Variants in KCTD16 observed in about 807,000 individuals in gnomAD.
KCTD16 encodes potassium channel tetramerization domain containing 16.
Under a neutral mutation model 33.2 loss-of-function variants are expected in KCTD16, and 13 were observed. That is an observed-to-expected ratio of 0.39 (90% confidence interval 0.25 to 0.62). The LOEUF is 0.62. Ranked by LOEUF, KCTD16 falls within the 20% of genes least tolerant of loss-of-function variation. KCTD16 has a pLI of 0.50. For synonymous variants in KCTD16, 197 were observed against 195.3 expected, an observed-to-expected ratio of 1.01 and a Z score of -0.07; for missense variants, 441 against 525.1, an observed-to-expected ratio of 0.84 and a Z score of 1.57.
At position 144,207,370 on chromosome 5, in the gene KCTD16, C is replaced by T. The variant is rs1295983050; in HGVS notation, c.656C>T (p.Pro219Leu). 6 of 1,614,082 alleles carry T rather than the reference C, an allele frequency of 3.7e-6. No individual in the cohort carries two copies. The highest frequency in any genetic ancestry group is 5.1e-6 in the Non-Finnish European group (6 of 1,180,034). The stretch of plus-strand genomic sequence containing the variant: ...GAAAGCAGAGACCCTGATCGAGCCC[C>T]AGAAAGATACACCTCCAGATTTTAT... Reference protein sequence around the residue: ...LNESRDPDRAPERYTSRFYLK... With the variant: ...LNESRDPDRALERYTSRFYLK... Residue 219 changes from proline (P) to leucine (L), a missense_variant, in exon 3 of 4, where the codon CCA (proline) becomes CTA (leucine). Physicochemically the swap from Pro to Leu is moderately conservative, Grantham distance 98 (BLOSUM62 -3). This residue lies in a region of KCTD16 where 355 missense variants were observed against 413.0 expected (regional missense o/e 0.86). Coordinates refer to ENST00000512467, the MANE Select transcript of KCTD16 (RefSeq NM_020768.4).
At chr5:144,184,328 T>C (rs1483106179) in intron 2 of KCTD16, among the ~76,000 whole-genome samples, 1 of 152,240 alleles carries the variant, frequency 6.6e-6, no homozygotes, top group African/African-American at 2.4e-5. Flanking sequence ...ATTCTTTTTA[T>C]GACTGGCTTA....
chr5:144,348,163 G>T (rs949430581), intron 3 of KCTD16, among the ~76,000 whole-genome samples: 3 of 151,944 alleles, frequency 2.0e-5, no homozygotes, highest in Non-Finnish European at 4.4e-5. Flanking sequence ...CCTCTCATTT[G>T]TTCTGCTCAC....
At chr5:144,451,024 A>G (rs1753929698) in intron 3 of KCTD16, among the ~76,000 whole-genome samples, 1 of 152,122 alleles carries the variant, frequency 6.6e-6, no homozygotes, top group South Asian at 2.1e-4. Context: ...GGTGATGAAT[A>G]TGTTCACTAT....
In KCTD16 at chr5:144,473,821, C is replaced by T; in HGVS notation, c.994C>T (p.Pro332Ser). 1.9e-6 allele frequency: 3 copies of T among 1,614,106 alleles called. No individual in the cohort carries two copies. The highest frequency in any genetic ancestry group is 2.5e-6 in the Non-Finnish European group (3 of 1,180,010). ...TCCCCAGGAGACGGTCATCTGTGGT[C>T]CCGTGACACGCCAGACCAACATCCA... The part of the protein sequence containing the change: ...SSPQETVICG[P>S]VTRQTNIQTL... The change falls in exon 4 of 4, where the codon CCC (proline) becomes TCC (serine). Residue 332 changes from proline (P) to serine (S), a missense_variant. Pro to Ser is a moderately conservative substitution (Grantham distance 74). Transcript: ENST00000512467.
intron 3 of KCTD16, among the ~76,000 whole-genome samples, chr5:144,441,760 T>C (rs1050896664): frequency 2.0e-4 from 30 of 149,938 alleles, no homozygotes; most frequent in Non-Finnish European, 5.9e-5. Flanking sequence ...GATATATGAG[T>C]TCTCTAAATT....
intron 3 of KCTD16, among the ~76,000 whole-genome samples, chr5:144,442,482 GTTCT>G (rs1753735145): frequency 1.1e-5 from 1 of 88,528 alleles, no homozygotes; most frequent in South Asian, 3.1e-4. Context: ...TCTTTCTGTC[GTTCT>G]TTCTGCCTTT....
rs974949375 is a variant in KCTD16 at position 144,478,704 on chromosome 5, C to A, written c.*4590C>A. 1 of 151,962 alleles carries A rather than the reference C, an allele frequency of 6.6e-6. No individual in the cohort carries two copies. The highest frequency in any genetic ancestry group is 1.5e-5 in the Non-Finnish European group (1 of 67,916). 9.4% of individuals were successfully genotyped at this position (151,962 alleles called of 1,614,324 possible). A position where few individuals can be genotyped will look rare whatever the true frequency, so the allele number is the denominator to read the frequency against. On this transcript the variant is annotated 3_prime_UTR_variant, in exon 4 of 4. Transcript: ENST00000512467. ...CTGCTGTTTAGGGAATATGCAGAGGCCAAGAGTTCCTTTACTCCTTAGAAG... is the reference window on the plus strand; with the variant it reads ...CTGCTGTTTAGGGAATATGCAGAGGACAAGAGTTCCTTTACTCCTTAGAAG...
rs1364324313 is a variant in KCTD16, at chr5:144,484,557, T to G, written c.*10443T>G. On this transcript the variant is annotated 3_prime_UTR_variant, in exon 4 of 4. Transcript: ENST00000512467. ...CTTACACTTTTAAAGTTAAAGACCC[T>G]GTTGATCAGGTTACCTGGAAATTTC... 1 of 151,958 alleles carries G rather than the reference T, an allele frequency of 6.6e-6. No homozygotes were observed. Among genetic ancestry groups the G allele is most frequent in the East Asian group, 1.9e-4 (1 of 5,152 alleles). The allele number at this position is 151,958 out of a possible 1,614,324, so 9.4% of individuals were successfully genotyped here. A position where few individuals can be genotyped will look rare whatever the true frequency, so the allele number is the denominator to read the frequency against.
rs182822324 is a variant in KCTD16, at chr5:144,233,631, A to G, written c.832+26085A>G. Reference sequence around the variant, plus strand: ...TCTGTCCATCATAGCCCTGTCCCCAAAAGACTGTGCTATTACATTATTTGC... The same window carrying G: ...TCTGTCCATCATAGCCCTGTCCCCAGAAGACTGTGCTATTACATTATTTGC... On this transcript the variant is annotated intron_variant, in intron 3 of 3. Transcript: ENST00000512467. Among the ~76,000 whole-genome samples, 694 of 152,262 alleles carry G rather than the reference A, an allele frequency of 4.6e-3. 4 individuals are homozygous for G. Among genetic ancestry groups the G allele is most frequent in the Non-Finnish European group, 6.3e-3 (428 of 68,012 alleles).
At chr5:144,440,454 G>A (rs1367176464) in intron 3 of KCTD16, among the ~76,000 whole-genome samples, 1 of 152,130 alleles carries the variant, frequency 6.6e-6, no homozygotes, top group Non-Finnish European at 1.5e-5. Context: ...CAATGCCTAA[G>A]AGTTCCAATT....
intron 3 of KCTD16, among the ~76,000 whole-genome samples, chr5:144,427,262 G>T (rs1180003378): frequency 6.6e-6 from 1 of 151,876 alleles, no homozygotes; most frequent in Non-Finnish European, 1.5e-5. Context: ...GGGGGGAGGG[G>T]GGTGAGTATC....
chr5:144,453,738 T>A (rs1250693200), intron 3 of KCTD16, among the ~76,000 whole-genome samples: 1 of 152,138 alleles, frequency 6.6e-6, no homozygotes, highest in African/African-American at 2.4e-5. Flanking sequence ...GACCAGCTAG[T>A]GAAAGAAGTA....
At chr5:144,440,363 T>C (rs767027971) in intron 3 of KCTD16, among the ~76,000 whole-genome samples, 4 of 152,204 alleles carry the variant, frequency 2.6e-5, no homozygotes, top group Non-Finnish European at 5.9e-5. Context: ...TGCTGTGTCA[T>C]ATGGTAACTC....
chr5:144,398,021 C>T (rs1387780997), intron 3 of KCTD16, among the ~76,000 whole-genome samples: 1 of 152,050 alleles, frequency 6.6e-6, no homozygotes, highest in Non-Finnish European at 1.5e-5. Context: ...TGTTTGTGTC[C>T]CCATGTAGGT....
intron 3 of KCTD16, among the ~76,000 whole-genome samples, chr5:144,311,386 G>A (rs765691928): frequency 5.3e-5 from 8 of 152,214 alleles, no homozygotes; most frequent in African/African-American, 1.4e-4. Context: ...GCAGCACTCA[G>A]TGAAAGGATA....
At chr5:144,389,367 A>G (rs557505632) in intron 3 of KCTD16, among the ~76,000 whole-genome samples, 1 of 152,222 alleles carries the variant, frequency 6.6e-6, no homozygotes, top group African/African-American at 2.4e-5. Flanking sequence ...ACCTCCTGTC[A>G]GATCAGCAGC....
At chr5:144,203,991 A>G (rs1561527569) in intron 2 of KCTD16, among the ~76,000 whole-genome samples, 1 of 152,222 alleles carries the variant, frequency 6.6e-6, no homozygotes, top group African/African-American at 2.4e-5. Flanking sequence ...TAAAATCCTA[A>G]TGATTGAGGC....
intron 3 of KCTD16, among the ~76,000 whole-genome samples, chr5:144,404,388 A>G (rs940535488): frequency 6.6e-6 from 1 of 152,158 alleles, no homozygotes; most frequent in African/African-American, 2.4e-5. Context: ...TTCCCTATAT[A>G]CTGAATGCTT....
At chr5:144,466,255 T>TTC (rs1554096503) in intron 3 of KCTD16, among the ~76,000 whole-genome samples, 6 of 150,000 alleles carry the variant, frequency 4.0e-5, no homozygotes, top group Non-Finnish European at 4.4e-5. Context: ...TTTTTTTTTT[T>TTC]CATGAGCTAA....
Sources: allele counts gnomAD v4.1 joint callset (sites outside exome capture counted in the v4.1 genomes callset), GRCh38; gene constraint gnomAD v4.1.1; regional missense constraint gnomAD v4.1.1; transcripts MANE v1.5; gene names NCBI Gene and HGNC (gene_info 2026-07-23, HGNC 2026-07-21).